DMD: variants seen among roughly 807,000 people sequenced by gnomAD.
The protein encoded by DMD is dystrophin.
Under a neutral mutation model 330.1 loss-of-function variants are expected in DMD, and 63 were observed. That is an observed-to-expected ratio of 0.19 (90% CI 0.16 to 0.24). The LOEUF (loss-of-function observed/expected upper bound fraction) is 0.24, where lower values mean the gene tolerates loss of function less well. Ranked by LOEUF, DMD falls within the 10% of genes least tolerant of loss-of-function variation. DMD has a pLI of 1.00. For synonymous variants in DMD, 1,223 were observed against 959.8 expected (o/e 1.27, Z -5.07); for missense variants, 3,344 against 2,684.1 (o/e 1.25, Z -5.43).
chrX:32,467,327 C>A (rs926157434), intron 23 of DMD, among the ~76,000 whole-genome samples: 2 of 110,778 alleles, frequency 1.8e-5, no homozygotes, highest in Admixed American at 9.7e-5. Context: ...ACATTACTTA[C>A]CTTATTGAAT....
chrX:32,537,044 A>C (rs560804233), intron 17 of DMD, among the ~76,000 whole-genome samples: 5 of 111,918 alleles, frequency 4.5e-5, no homozygotes, highest in East Asian at 5.6e-4. Context: ...AAGAGAATTT[A>C]ACAGGTACAT....
At chrX:31,949,890 C>CTT (rs202022663) in intron 45 of DMD, among the ~76,000 whole-genome samples, 46 of 104,230 alleles carry the variant, frequency 4.4e-4, no homozygotes, top group African/African-American at 1.4e-3. Context: ...TTTGGTAATT[C>CTT]TTTTTTTTTT....
At chrX:32,913,100 G>T (rs2087445277) in intron 2 of DMD, among the ~76,000 whole-genome samples, 1 of 111,458 alleles carries the variant, frequency 9.0e-6, no homozygotes, top group South Asian at 3.8e-4. Flanking sequence ...AATAATCATA[G>T]CAGATCAGAG....
intron 44 of DMD, among the ~76,000 whole-genome samples, chrX:31,987,584 A>G (rs2095518582): frequency 8.9e-6 from 1 of 112,284 alleles, no homozygotes; most frequent in African/African-American, 3.2e-5. Context: ...AATACAACAT[A>G]TGAAAAAATG....
At chrX:33,042,507 C>T (rs2094318279) in intron 1 of DMD, among the ~76,000 whole-genome samples, 1 of 111,527 alleles carries the variant, frequency 9.0e-6, no homozygotes, top group African/African-American at 3.3e-5. Flanking sequence ...TCTGGATTGG[C>T]GAATGGGATA....
chrX:32,591,529 C>T (rs751314085), intron 13 of DMD, among the ~76,000 whole-genome samples: 2 of 111,925 alleles, frequency 1.8e-5, no homozygotes, highest in African/African-American at 6.5e-5. Context: ...TTATAAACCA[C>T]GCTCTCTTGA....
intron 16 of DMD, among the ~76,000 whole-genome samples, chrX:32,546,370 G>A (rs1161343134): frequency 1.8e-5 from 2 of 109,155 alleles, no homozygotes; most frequent in Non-Finnish European, 3.8e-5. Context: ...CAAAGGAGCA[G>A]GGATCTGGCT....
intron 50 of DMD, among the ~76,000 whole-genome samples, chrX:31,793,404 C>T (rs929756166): frequency 9.0e-6 from 1 of 111,397 alleles, no homozygotes; most frequent in African/African-American, 3.3e-5. Context: ...TATATTGATA[C>T]AGGTGCTCCT....
chrX:32,573,293 C>T (rs1447795047), intron 15 of DMD, among the ~76,000 whole-genome samples: 1 of 111,723 alleles, frequency 9.0e-6, no homozygotes, highest in Admixed American at 9.6e-5. Flanking sequence ...TAATTGAAGT[C>T]TTATTCTGGT....
intron 7 of DMD, among the ~76,000 whole-genome samples, chrX:32,765,192 C>G (rs2148414199): frequency 1.0e-5 from 1 of 99,538 alleles, no homozygotes; most frequent in South Asian, 3.9e-4. Flanking sequence ...TGTCCCCACT[C>G]AAATCTCATG....
intron 7 of DMD, among the ~76,000 whole-genome samples, chrX:32,779,014 G>C (rs781280135): frequency 9.0e-6 from 1 of 111,439 alleles, no homozygotes; most frequent in Non-Finnish European, 1.9e-5. Flanking sequence ...ATTTCACTTT[G>C]TCTCCGATAT....
At chrX:32,546,791 A>G (rs1375243243) in intron 16 of DMD, among the ~76,000 whole-genome samples, 1 of 101,978 alleles carries the variant, frequency 9.8e-6, no homozygotes, top group Non-Finnish European at 2.1e-5. Context: ...AAACAACTTT[A>G]ATTATAAGTC....
At chrX:32,396,157 G>A (rs1294281187) in intron 30 of DMD, among the ~76,000 whole-genome samples, 3 of 110,974 alleles carry the variant, frequency 2.7e-5, no homozygotes, top group Non-Finnish European at 3.8e-5. Flanking sequence ...GTTGGCAGGG[G>A]ACATGAAGGA....
At chrX:32,199,340 T>G (rs781761332) in intron 44 of DMD, among the ~76,000 whole-genome samples, 148 of 111,568 alleles carry the variant, frequency 1.3e-3, no homozygotes, top group Non-Finnish European at 1.8e-3. Flanking sequence ...CACATTTGCT[T>G]CAGCACTGAC....
At chrX:32,067,991 C>T (rs763092504) in intron 44 of DMD, among the ~76,000 whole-genome samples, 3 of 111,956 alleles carry the variant, frequency 2.7e-5, no homozygotes, top group Non-Finnish European at 3.8e-5. Context: ...TAAGCATCCC[C>T]TTGTCTCTGC....
rs753906970 is a variant in DMD at position 32,042,090 on chromosome X, T to C, written c.6439-73576A>G. On this transcript the variant is annotated intron_variant, in intron 44 of 78. Transcript: ENST00000357033. ...ATGTACACATATATACACACACACATATGTATACATATATACATACATATA... is the reference window on the plus strand; with the variant it reads ...ATGTACACATATATACACACACACACATGTATACATATATACATACATATA... Among the ~76,000 whole-genome samples, 24 of 89,609 alleles carry C rather than the reference T, an allele frequency of 2.7e-4. No homozygotes were observed. The East Asian group carries it at 8.0e-3, about 30-fold the overall frequency. The allele number at this position is 89,609 out of a possible 115,157, so 77.8% of individuals were successfully genotyped here. A position where few individuals can be genotyped will look rare whatever the true frequency, so the allele number is the denominator to read the frequency against.
At chrX:32,656,289 G>A (rs1381261131) in intron 9 of DMD, among the ~76,000 whole-genome samples, 1 of 111,858 alleles carries the variant, frequency 8.9e-6, no homozygotes, top group Non-Finnish European at 1.9e-5. Context: ...ATCCTCAACC[G>A]TGACTACGAA....
intron 44 of DMD, among the ~76,000 whole-genome samples, chrX:32,069,565 A>T (rs12688349): frequency 0.039 from 4,351 of 111,912 alleles, 148 homozygotes; most frequent in East Asian, 0.27. Flanking sequence ...ATGCTTTTCT[A>T]TAACATAGTT....
intron 51 of DMD, among the ~76,000 whole-genome samples, chrX:31,740,357 A>C (rs1603457835): frequency 8.9e-6 from 1 of 112,103 alleles, no homozygotes; most frequent in East Asian, 2.8e-4. Context: ...CATGTGCATC[A>C]GATTCGCAGG....
Sources: gnomAD v4.1 joint callset for allele counts (sites outside exome capture counted in the v4.1 genomes callset) on GRCh38, gnomAD v4.1.1 for gene constraint, MANE v1.5 for transcripts, NCBI Gene and HGNC (gene_info 2026-07-23, HGNC 2026-07-21) for gene names.